The following FBXW4 variants were observed in gnomAD, a reference collection of about 807,000 sequenced individuals.
FBXW4 encodes F-box/WD repeat-containing protein 4.
Under a neutral mutation model 61.8 loss-of-function variants are expected in FBXW4, and 40 were observed. That is an observed-to-expected ratio of 0.65 (90% CI 0.50 to 0.84). The LOEUF (loss-of-function observed/expected upper bound fraction) is 0.84. Ranked by LOEUF, FBXW4 falls within the 40% of genes least tolerant of loss-of-function variation. The pLI, the probability that FBXW4 is intolerant of heterozygous loss-of-function variation, is 0.00. For synonymous variants in FBXW4, 311 were observed against 313.8 expected (o/e 0.99, Z 0.10); for missense variants, 672 against 753.8 (o/e 0.89, Z 1.27).
At chr10:101,672,587 A>C (rs974514885) in intron 4 of FBXW4, among the ~76,000 whole-genome samples, 1 of 152,200 alleles carries the variant, frequency 6.6e-6, no homozygotes, top group Non-Finnish European at 1.5e-5. Flanking sequence ...AAAATAAAAT[A>C]TTAGGGTCAG....
At chr10:101,655,128 C>A (rs4919566) in intron 5 of FBXW4, among the ~76,000 whole-genome samples, 8,079 of 152,204 alleles carry the variant, frequency 0.053, 488 homozygotes, top group East Asian at 0.36. Flanking sequence ...CCATGCCTGG[C>A]CTATTTATGT....
intron 5 of FBXW4, among the ~76,000 whole-genome samples, chr10:101,656,153 C>T (rs974830736): frequency 4.6e-5 from 7 of 152,168 alleles, no homozygotes; most frequent in Non-Finnish European, 8.8e-5. Context: ...GCTCACCCTC[C>T]ACACTGCCTT....
At chr10:101,685,806 T>C (rs1438314029) in intron 1 of FBXW4, among the ~76,000 whole-genome samples, 1 of 152,228 alleles carries the variant, frequency 6.6e-6, no homozygotes, top group Non-Finnish European at 1.5e-5. Context: ...CCTAGCATAA[T>C]AGGTATTTTG....
chr10:101,680,698 G>A (rs2064465956), intron 1 of FBXW4, among the ~76,000 whole-genome samples: 1 of 152,168 alleles, frequency 6.6e-6, no homozygotes, highest in Non-Finnish European at 1.5e-5. Flanking sequence ...ATAAGAGTGT[G>A]GATTTGGTTA....
chr10:101,614,355 A>G (rs2063810729), intron 6 of FBXW4, among the ~76,000 whole-genome samples: 1 of 152,192 alleles, frequency 6.6e-6, no homozygotes, highest in African/African-American at 2.4e-5. Flanking sequence ...TTCAGAGGGA[A>G]GGAGAGCTGG....
rs1244634762 is a variant in FBXW4, at chr10:101,695,113, C to T, written c.-8G>A. 3.0e-6 allele frequency: 3 copies of T among 985,176 alleles called. No homozygotes were observed. Among genetic ancestry groups the T allele is most frequent in the Non-Finnish European group, 3.6e-6 (3 of 830,132 alleles). The allele number at this position is 985,176 out of a possible 1,614,324, so 61.0% of individuals were successfully genotyped here. A position where few individuals can be genotyped will look rare whatever the true frequency, so the allele number is the denominator to read the frequency against. Reference sequence around the variant, plus strand: ...GCGGCCCTGGCTGCCCATGAGCGGCCGCGGGGCCGGCCCGACGCGGAGCCC... The same window carrying T: ...GCGGCCCTGGCTGCCCATGAGCGGCTGCGGGGCCGGCCCGACGCGGAGCCC... On this transcript the variant is annotated 5_prime_UTR_variant, in exon 1 of 9. Transcript: ENST00000331272. This position sits in a 1 kb window ranked among gnomAD's most constrained non-coding sequence, Gnocchi z 4.2.
chr10:101,633,542 C>T (rs1377936367), intron 5 of FBXW4, among the ~76,000 whole-genome samples: 3 of 152,032 alleles, frequency 2.0e-5, no homozygotes, highest in African/African-American at 7.3e-5. Flanking sequence ...CACATGTACA[C>T]CTATGTAACA....
At chr10:101,627,878 T>C (rs2063919488) in intron 5 of FBXW4, 1 of 866,180 alleles carries the variant, frequency 1.2e-6, no homozygotes, top group Non-Finnish European at 1.4e-6. Flanking sequence ...TAAAGTGCTT[T>C]GAAAAGGGGC....
chr10:101,670,598 A>G (rs1197184050), intron 4 of FBXW4, among the ~76,000 whole-genome samples: 1 of 152,220 alleles, frequency 6.6e-6, no homozygotes, highest in Non-Finnish European at 1.5e-5. Context: ...CCAGGTACGC[A>G]CATCTCTTCT....
At chr10:101,685,560 G>A (rs1191834417) in intron 1 of FBXW4, among the ~76,000 whole-genome samples, 1 of 152,176 alleles carries the variant, frequency 6.6e-6, no homozygotes. Flanking sequence ...GAACATATAT[G>A]AACTTTACCT....
At chr10:101,656,854 G>A (rs999110143) in intron 5 of FBXW4, among the ~76,000 whole-genome samples, 11 of 152,114 alleles carry the variant, frequency 7.2e-5, no homozygotes, top group African/African-American at 2.7e-4. Flanking sequence ...ATTCTCTTCT[G>A]CAAATTAAGA....
intron 6 of FBXW4, among the ~76,000 whole-genome samples, chr10:101,621,541 A>T (rs2063866872): frequency 1.3e-4 from 20 of 152,128 alleles, no homozygotes; most frequent in Admixed American, 1.2e-3. Flanking sequence ...AGAAAAAAAG[A>T]AGCTTCCACA....
Position 101,611,130 on chromosome 10 carries a change from CCA to C in FBXW4, c.*159_*160del. The C allele has an allele frequency of 2.2e-6, 2 of 904,318 alleles. No individual in the cohort carries two copies. Among genetic ancestry groups the C allele is most frequent in the Non-Finnish European group, 3.3e-6 (2 of 606,724 alleles). 56.0% of individuals were successfully genotyped at this position (904,318 alleles called of 1,614,324 possible). A position where few individuals can be genotyped will look rare whatever the true frequency, so the allele number is the denominator to read the frequency against. On this transcript the variant is annotated 3_prime_UTR_variant, in exon 9 of 9. Coordinates refer to ENST00000331272, the MANE Select transcript of FBXW4 (RefSeq NM_022039.4). This position sits in a 1 kb window ranked among gnomAD's most constrained non-coding sequence, Gnocchi z 4.9. Reference sequence around the variant, plus strand: ...TGCATCTCTGGTAAGCTCCAAAGTCCCAGGAGTCAGAAGCCTCTAGTGCAAGG... The same window carrying C: ...TGCATCTCTGGTAAGCTCCAAAGTCCGGAGTCAGAAGCCTCTAGTGCAAGG...
intron 4 of FBXW4, among the ~76,000 whole-genome samples, chr10:101,672,459 C>T (rs539452474): frequency 6.6e-6 from 1 of 152,346 alleles, no homozygotes; most frequent in South Asian, 2.1e-4. Flanking sequence ...TTACTGACCA[C>T]ATCACTCTCC....
intron 5 of FBXW4, among the ~76,000 whole-genome samples, chr10:101,661,869 C>A (rs965528027): frequency 6.6e-6 from 1 of 152,202 alleles, no homozygotes; most frequent in Non-Finnish European, 1.5e-5. Context: ...ATCAGGAGGA[C>A]CAGCTACAAT....
intron 5 of FBXW4, among the ~76,000 whole-genome samples, chr10:101,658,917 G>A (rs758736780): frequency 6.6e-5 from 10 of 151,876 alleles, no homozygotes; most frequent in African/African-American, 9.7e-5. Context: ...TTAAATATAC[G>A]AGTATTATCA....
chr10:101,674,658 T>C (rs1380620657), intron 2 of FBXW4, among the ~76,000 whole-genome samples: 1 of 152,186 alleles, frequency 6.6e-6, no homozygotes, highest in Non-Finnish European at 1.5e-5. Context: ...AGTGTGGCAA[T>C]GGAAAAACAC....
intron 5 of FBXW4, among the ~76,000 whole-genome samples, chr10:101,632,870 A>G (rs918779229): frequency 6.6e-6 from 1 of 152,218 alleles, no homozygotes; most frequent in Non-Finnish European, 1.5e-5. Flanking sequence ...AACAAGAAGC[A>G]TGCAAAAAGA....
At chr10:101,691,078 T>C (rs550027167) in intron 1 of FBXW4, among the ~76,000 whole-genome samples, 13 of 152,342 alleles carry the variant, frequency 8.5e-5, no homozygotes, top group Middle Eastern at 3.4e-3. Context: ...AGTGAGGTTA[T>C]GTGGCTTCTG....
Sources: allele counts gnomAD v4.1 joint callset (sites outside exome capture counted in the v4.1 genomes callset), GRCh38; gene constraint gnomAD v4.1.1; non-coding constraint Gnocchi (gnomAD v3.1); transcripts MANE v1.5; gene names NCBI Gene and HGNC (gene_info 2026-07-23, HGNC 2026-07-21).